The following WDR64 variants were observed in gnomAD, a reference collection of about 807,000 sequenced individuals.
The protein encoded by WDR64 is WD repeat-containing protein 64.
WDR64 carries 112 observed loss-of-function variants against 139.3 expected under a neutral mutation model. The observed-to-expected ratio is 0.80, with a 90% CI of 0.69 to 0.94. The LOEUF is 0.94. Among genes scored for constraint, WDR64 ranks in the 40% least tolerant of loss-of-function variants. WDR64 has a pLI of 0.00. For synonymous variants in WDR64, 444 were observed against 437.7 expected, an observed-to-expected ratio of 1.01 and a Z score of -0.18; for missense variants, 1,206 against 1,293.1, an observed-to-expected ratio of 0.93 and a Z score of 1.03.
chr1:241,746,364 A>C (rs1454779944), intron 13 of WDR64, among the ~76,000 whole-genome samples: 1 of 152,200 alleles, frequency 6.6e-6, no homozygotes, highest in African/African-American at 2.4e-5. Context: ...CTCTACTCTG[A>C]GCAATGACCT....
rs143094909 is a variant in WDR64 at position 241,744,766 on chromosome 1, G to A, written c.1594+250G>A. Among the ~76,000 whole-genome samples, 4 of 152,332 alleles carry A rather than the reference G, an allele frequency of 2.6e-5. 1 individual carries two copies. The highest frequency in any genetic ancestry group is 4.4e-5 in the Non-Finnish European group (3 of 68,020). ...ATAGTTGCTTTAACAGTTTGCAGAA[G>A]TCTTTTGCATATGACATCTCATCTA... is the stretch of plus-strand genomic sequence containing the variant. On this transcript the variant is annotated intron_variant, in intron 13 of 27. Coordinates refer to ENST00000437684, the MANE Select transcript of WDR64 (RefSeq NM_001367482.1).
At chr1:241,788,248 AG>A (rs1185678068) in intron 24 of WDR64, among the ~76,000 whole-genome samples, 1 of 152,234 alleles carries the variant, frequency 6.6e-6, no homozygotes, top group East Asian at 1.9e-4. Flanking sequence ...AAGGGCAAAT[AG>A]GATTTAACCA....
chr1:241,780,062 G>A lies in WDR64; in HGVS notation c.2595G>A (p.Lys865=). ...SSFLDPPHDE[K]KFKQLLSWRA... The stretch of plus-strand genomic sequence containing the variant: ...TCCTGGATCCACCTCATGATGAAAA[G>A]GTAAGAACTTCAGTTTTCCACTTTA... Residue 865 remains lysine (K), a splice_region_variant and synonymous_variant, in exon 22 of 28, where the codon AAG becomes AAA. Coordinates refer to ENST00000437684, the MANE Select transcript of WDR64 (RefSeq NM_001367482.1). 6.3e-7 allele frequency: 1 copy of A among 1,590,264 alleles called. No homozygotes were observed. Among genetic ancestry groups the A allele is most frequent in the Non-Finnish European group, 8.5e-7 (1 of 1,172,738 alleles).
intron 8 of WDR64, among the ~76,000 whole-genome samples, chr1:241,704,917 A>C (rs1362230959): frequency 6.6e-6 from 1 of 152,182 alleles, no homozygotes; most frequent in Non-Finnish European, 1.5e-5. Flanking sequence ...TGTGAATATG[A>C]TACAACCAGC....
At chr1:241,744,080 G>T (rs1669654441) in intron 12 of WDR64, among the ~76,000 whole-genome samples, 1 of 152,170 alleles carries the variant, frequency 6.6e-6, no homozygotes, top group South Asian at 2.1e-4. Context: ...TGCTGAGCTT[G>T]CAATTGTTCC....
chr1:241,655,711 T>C (rs10926528), intron 1 of WDR64, among the ~76,000 whole-genome samples: 1 of 27,208 alleles, frequency 3.7e-5, no homozygotes, highest in Admixed American at 2.6e-4. Flanking sequence ...TTTTCTTTTT[T>C]TTTTTTTGAT....
chr1:241,670,506 C>A (rs1438606518), intron 2 of WDR64, among the ~76,000 whole-genome samples: 2 of 152,222 alleles, frequency 1.3e-5, no homozygotes, highest in Non-Finnish European at 2.9e-5. Flanking sequence ...ATCTATCAGT[C>A]TGAGTGTCAG....
chr1:241,665,032 A>G (rs1383448884), intron 2 of WDR64, among the ~76,000 whole-genome samples: 4 of 152,126 alleles, frequency 2.6e-5, no homozygotes, highest in Admixed American at 6.5e-5. Flanking sequence ...CCCTGTCTCT[A>G]TGAAGAAGAA....
intron 21 of WDR64, among the ~76,000 whole-genome samples, chr1:241,775,778 T>A (rs150681413): frequency 2.0e-5 from 3 of 152,200 alleles, no homozygotes; most frequent in Non-Finnish European, 4.4e-5. Flanking sequence ...TGAATGCACA[T>A]GCATGTGTAA....
chr1:241,706,801 G>T, intron 8 of WDR64, among the ~76,000 whole-genome samples: 1 of 152,110 alleles, frequency 6.6e-6, no homozygotes, highest in Non-Finnish European at 1.5e-5. Context: ...TCAGGTGATT[G>T]TTCTCACTCA....
chr1:241,730,709 C>A (rs78885999), intron 10 of WDR64, among the ~76,000 whole-genome samples: 5,364 of 152,130 alleles, frequency 0.035, 318 homozygotes, highest in African/African-American at 0.12. Context: ...AATATATGAC[C>A]CCCTGCTAAA....
At chr1:241,653,059 A>G (rs543873411) in intron 1 of WDR64, among the ~76,000 whole-genome samples, 1 of 152,190 alleles carries the variant, frequency 6.6e-6, no homozygotes, top group Non-Finnish European at 1.5e-5. Context: ...CCATGATTCC[A>G]TTGTCTTGGC....
chr1:241,665,992 T>G (rs1666012014), intron 2 of WDR64, among the ~76,000 whole-genome samples: 2 of 152,212 alleles, frequency 1.3e-5, no homozygotes, highest in Admixed American at 1.3e-4. Flanking sequence ...GCATGCAGGT[T>G]TTTATTTTCT....
At chr1:241,724,288 T>A (rs78764857) in intron 10 of WDR64, among the ~76,000 whole-genome samples, 9,060 of 152,282 alleles carry the variant, frequency 0.059, 420 homozygotes, top group East Asian at 0.15. Context: ...GTAAAAATAC[T>A]GGTATATAGG....
intron 8 of WDR64, among the ~76,000 whole-genome samples, chr1:241,689,513 T>A (rs903331024): frequency 6.6e-6 from 1 of 152,122 alleles, no homozygotes; most frequent in African/African-American, 2.4e-5. Context: ...TACATAATGA[T>A]AAAGGGGTCA....
At chr1:241,748,829 A>C (rs543845135) in intron 13 of WDR64, among the ~76,000 whole-genome samples, 1 of 151,634 alleles carries the variant, frequency 6.6e-6, no homozygotes, top group African/African-American at 2.4e-5. Flanking sequence ...AGTCCCAGCT[A>C]CTCTGGAGGC....
chr1:241,801,152 G>C lies in WDR64; in HGVS notation c.3213G>C (p.Leu1071Phe). ...QREKAPRRRS[L>F]KKNLVPQINL... ...CACAGGCACCACGAAGAAGAAGTTT[G>C]AAAAAAAATTTAGTCCCACAAATAA... is the stretch of plus-strand genomic sequence containing the variant. Residue 1071 changes from leucine (L) to phenylalanine (F), a missense_variant, in exon 28 of 28, where the codon TTG becomes TTC. Transcript: ENST00000437684. 1 of 1,612,824 alleles carries C rather than the reference G, an allele frequency of 6.2e-7. No homozygotes were observed. The highest frequency in any genetic ancestry group is 8.5e-7 in the Non-Finnish European group (1 of 1,179,408).
intron 1 of WDR64, among the ~76,000 whole-genome samples, chr1:241,653,590 C>T (rs146278873): frequency 6.8e-6 from 1 of 146,972 alleles, no homozygotes; most frequent in African/African-American, 2.5e-5. Context: ...ATTGCCCAGG[C>T]TGGAGTGAAA....
At chr1:241,705,385 C>T (rs1667899094) in intron 8 of WDR64, among the ~76,000 whole-genome samples, 1 of 150,482 alleles carries the variant, frequency 6.6e-6, no homozygotes, top group Non-Finnish European at 1.5e-5. Flanking sequence ...ACTGAAAATA[C>T]AAAAAAAATA....
Sources: allele counts gnomAD v4.1 joint callset (sites outside exome capture counted in the v4.1 genomes callset), GRCh38; gene constraint gnomAD v4.1.1; transcripts MANE v1.5; gene names NCBI Gene and HGNC (gene_info 2026-07-23, HGNC 2026-07-21).